Variants in HJURP observed in about 807,000 individuals in gnomAD.
The protein encoded by HJURP is Holliday junction recognition protein.
In HJURP, 49 loss-of-function variants were observed where a neutral mutation model predicts 72.0. That is an observed-to-expected ratio of 0.68 (90% CI 0.54 to 0.86). The LOEUF is 0.86. HJURP is among the 40% of genes least tolerant of loss of function. The probability of loss-of-function intolerance (pLI) is 0.00; values close to 1 mark genes in which losing one functional copy is unlikely to be tolerated. For missense variants in HJURP, 908 were observed against 936.3 expected, an observed-to-expected ratio of 0.97 and a Z score of 0.39; for synonymous variants, 357 against 347.1, an observed-to-expected ratio of 1.03 and a Z score of -0.32.
chr2:233,837,480 A>G lies in HJURP; in HGVS notation c.*97T>C, dbSNP rs928536078. 20 of 813,506 alleles carry G rather than the reference A, an allele frequency of 2.5e-5. No homozygotes were observed. In the African/African-American group the frequency reaches 3.1e-4, roughly 13 times the overall value. The allele number at this position is 813,506 out of a possible 1,614,324, so 50.4% of individuals were successfully genotyped here. A position where few individuals can be genotyped will look rare whatever the true frequency, so the allele number is the denominator to read the frequency against. ...CTAATATTTACTTTAAGGGCAGAGAAGTCAACCAAGTCCTCACAGTCTCAA... is the reference window on the plus strand; with the variant it reads ...CTAATATTTACTTTAAGGGCAGAGAGGTCAACCAAGTCCTCACAGTCTCAA... On this transcript the variant is annotated 3_prime_UTR_variant, in exon 9 of 9. Transcript: ENST00000411486.
At chr2:233,853,626 C>A (rs473504) in intron 2 of HJURP, among the ~76,000 whole-genome samples, 23,396 of 152,252 alleles carry the variant, frequency 0.15, 1,865 homozygotes, top group Middle Eastern at 0.23. Flanking sequence ...GGATGCCAAC[C>A]CGGTAAGCCG....
At chr2:233,847,304 C>T (rs1705385305) in intron 5 of HJURP, 93 bp downstream of exon 5, 2 of 939,700 alleles carry the variant, frequency 2.1e-6, no homozygotes, top group African/African-American at 1.6e-5. Flanking sequence ...AAAGTGCAGG[C>T]AGCGCTGCCC....
intron 8 of HJURP, among the ~76,000 whole-genome samples, chr2:233,838,637 C>T (rs1160404421): frequency 6.6e-6 from 1 of 152,124 alleles, no homozygotes; most frequent in African/African-American, 2.4e-5. Flanking sequence ...AGCAGAGGAG[C>T]TCTGATGTGT....
In HJURP at chr2:233,841,813, TCTC is replaced by T; in HGVS notation, c.964_966del (p.Glu322del). ...ACAGGCTCAGAGCAGGGTATGAAGT[TCTC>T]CTTGGAGCTCCTCTGAGAACGTCTG... On this transcript the variant is annotated inframe_deletion, in exon 8 of 9. Transcript: ENST00000411486. 6.2e-7 allele frequency: 1 copy of T among 1,614,150 alleles called. No individual in the cohort carries two copies. The highest frequency in any genetic ancestry group is 2.2e-5 in the East Asian group (1 of 44,888).
chr2:233,845,821 C>T lies in HJURP; in HGVS notation c.403-1G>A. On this transcript the variant is annotated splice_acceptor_variant, in intron 5 of 8. Coordinates refer to ENST00000411486, the MANE Select transcript of HJURP (RefSeq NM_018410.5). LOFTEE classifies it high-confidence loss of function. ...TCAAAGGGCTTTGAGGCACTGCAGG[C>T]TGATCAAAAAAGAGAAGTCAGAATT... is the stretch of plus-strand genomic sequence containing the variant. 6.2e-7 allele frequency: 1 copy of T among 1,606,738 alleles called. No homozygotes were observed. Among genetic ancestry groups the T allele is most frequent in the Non-Finnish European group, 8.5e-7 (1 of 1,175,258 alleles).
At chr2:233,845,157 T>A (rs937471571) in intron 6 of HJURP, among the ~76,000 whole-genome samples, 2 of 145,186 alleles carry the variant, frequency 1.4e-5, no homozygotes, top group Non-Finnish European at 3.0e-5. Flanking sequence ...CCCCAATAGA[T>A]TTTTTTTTTT....
Position 233,842,677 on chromosome 2 carries a change from G to A in HJURP, c.575-472C>T, listed in dbSNP as rs868267466. ...AATCTGTATGTTAAATTGATAAAGA[G>A]AAAAAAAAAGAGTCCAAATACTCTG... is the stretch of plus-strand genomic sequence containing the variant. On this transcript the variant is annotated intron_variant, in intron 7 of 8. Coordinates refer to ENST00000411486, the MANE Select transcript of HJURP (RefSeq NM_018410.5). Among the ~76,000 whole-genome samples, 19 of 98,974 alleles carry A rather than the reference G, an allele frequency of 1.9e-4. No homozygotes were observed. The East Asian group carries it at 4.2e-3, about 22-fold the overall frequency. 64.9% of individuals were successfully genotyped at this position (98,974 alleles called of 152,430 possible).
chr2:233,845,288 A>G (rs1705335966), intron 6 of HJURP, among the ~76,000 whole-genome samples: 1 of 152,074 alleles, frequency 6.6e-6, no homozygotes, highest in African/African-American at 2.4e-5. Flanking sequence ...AGTAGCTGGG[A>G]TTACAAGCAC....
intron 1 of HJURP, 69 bp from the exon 2 acceptor site, chr2:233,853,979 G>A (rs370440883): frequency 7.7e-6 from 11 of 1,427,700 alleles, no homozygotes; most frequent in Non-Finnish European, 1.1e-5. Context: ...GGGAGGAGGC[G>A]GCGCCAGCCC....
chr2:233,840,066 A>C (rs1232049147), intron 8 of HJURP, among the ~76,000 whole-genome samples: 1 of 146,804 alleles, frequency 6.8e-6, no homozygotes, highest in Non-Finnish European at 1.5e-5. Flanking sequence ...GATTCGCACA[A>C]ATTAAGCTGC....
rs1409347925 is a variant in HJURP, at chr2:233,837,217, C to T, written c.*360G>A. The T allele has an allele frequency of 2.6e-5, 6 of 228,172 alleles. No individual in the cohort carries two copies. The highest frequency in any genetic ancestry group is 2.9e-4 in the East Asian group (2 of 6,858). The allele number at this position is 228,172 out of a possible 1,614,324, so 14.1% of individuals were successfully genotyped here. Reference sequence around the variant, plus strand: ...AGAAGAATCGCTTGAACCCGGGAGGCGGAAGTTGCAGTGAGCCAAGATTGT... The same window carrying T: ...AGAAGAATCGCTTGAACCCGGGAGGTGGAAGTTGCAGTGAGCCAAGATTGT... On this transcript the variant is annotated 3_prime_UTR_variant, in exon 9 of 9. Coordinates refer to ENST00000411486, the MANE Select transcript of HJURP (RefSeq NM_018410.5).
Position 233,845,809 on chromosome 2 carries a change from A to C in HJURP, c.414T>G (p.Pro138=). The C allele has an allele frequency of 6.2e-7, 1 of 1,611,058 alleles. No homozygotes were observed. Among genetic ancestry groups the C allele is most frequent in the Middle Eastern group, 1.7e-4 (1 of 6,052 alleles). ...TTAATTCATTTTTCAAAGGGCTTTG[A>C]GGCACTGCAGGCTGATCAAAAAAGA... ...SVAWALAPAV[P]QSPLKNELRR... is the part of the protein sequence containing the mutation. Residue 138 remains proline (P), a synonymous_variant, in exon 6 of 9, where the codon CCT becomes CCG. Transcript: ENST00000411486.
chr2:233,847,762 C>A (rs1559498513), intron 4 of HJURP, among the ~76,000 whole-genome samples: 1 of 152,248 alleles, frequency 6.6e-6, no homozygotes, highest in Non-Finnish European at 1.5e-5. Context: ...CTCGACAGAA[C>A]TTCCGGTGAC....
chr2:233,843,378 G>T (rs1705279964), intron 7 of HJURP, among the ~76,000 whole-genome samples: 1 of 152,122 alleles, frequency 6.6e-6, no homozygotes, highest in Admixed American at 6.5e-5. Context: ...TCGAAGTAAG[G>T]TCTTACCTTA....
At chr2:233,853,450 G>T (rs1041280008) in intron 2 of HJURP, among the ~76,000 whole-genome samples, 1 of 152,214 alleles carries the variant, frequency 6.6e-6, no homozygotes. Context: ...CACAGTGCGG[G>T]GCGGGGTACT....
chr2:233,847,940 G>A (rs1705407922), intron 4 of HJURP, among the ~76,000 whole-genome samples: 1 of 152,228 alleles, frequency 6.6e-6, no homozygotes, highest in Non-Finnish European at 1.5e-5. Flanking sequence ...ATACTGGGCA[G>A]TACATCTATC....
chr2:233,842,835 T>C (rs1705265680), intron 7 of HJURP, among the ~76,000 whole-genome samples: 1 of 152,210 alleles, frequency 6.6e-6, no homozygotes, highest in African/African-American at 2.4e-5. Flanking sequence ...TGCTGTACAA[T>C]TGACCAGATG....
Position 233,841,072 on chromosome 2 carries a change from G to A in HJURP, c.1708C>T (p.Pro570Ser). Residue 570 changes from proline to serine, a missense_variant, in exon 8 of 9, where the codon CCA becomes TCA. By Grantham distance (74) the Pro-to-Ser change is moderately conservative (BLOSUM62 -1). Around this residue, in one of 3 missense-constraint regions of HJURP, gnomAD observed 598 missense variants for 619.5 expected, o/e 0.97. Coordinates refer to ENST00000411486, the MANE Select transcript of HJURP (RefSeq NM_018410.5). ...TCGTAACGATTCCTTCCGTGGCCTG[G>A]CACTTCTTTATCTGGGACTGAAAGA... ...KTLSVPDKEV[P>S]GHGRNRYDEI... 2 of 1,614,118 alleles carry A rather than the reference G, an allele frequency of 1.2e-6. No homozygotes were observed. Among genetic ancestry groups the A allele is most frequent in the Non-Finnish European group, 1.7e-6 (2 of 1,180,010 alleles).
chr2:233,851,171 G>T (rs28900716), intron 3 of HJURP, among the ~76,000 whole-genome samples: 1,565 of 152,310 alleles, frequency 0.01, 34 homozygotes, highest in African/African-American at 0.036. Context: ...ACCATATTAA[G>T]CACTGGTCTA....
Sources: gnomAD v4.1 joint callset for allele counts (sites outside exome capture counted in the v4.1 genomes callset) on GRCh38, gnomAD v4.1.1 for gene constraint, gnomAD v4.1.1 regional missense constraint, MANE v1.5 for transcripts, NCBI Gene and HGNC (gene_info 2026-07-23, HGNC 2026-07-21) for gene names.